FRMD6: variants seen among roughly 807,000 people sequenced by gnomAD.
FRMD6 encodes FERM domain-containing protein 6.
A neutral mutation model predicts 73.2 loss-of-function variants in FRMD6; 37 were observed. The observed-to-expected ratio is 0.51, with a 90% CI of 0.39 to 0.66. The LOEUF is 0.66. Among genes scored for constraint, FRMD6 ranks in the 30% least tolerant of loss-of-function variants. The pLI is 0.00. For missense variants in FRMD6, 714 were observed against 780.5 expected, an observed-to-expected ratio of 0.91 and a Z score of 1.02; for synonymous variants, 273 against 282.2, an observed-to-expected ratio of 0.97 and a Z score of 0.33.
intron 6 of FRMD6, 120 bp from the exon 7 acceptor site, chr14:51,707,958 C>A: frequency 1.2e-6 from 1 of 857,114 alleles, no homozygotes; most frequent in Non-Finnish European, 1.8e-6. Flanking sequence ...ATTTTCAATG[C>A]AAACCAACCA....
chr14:51,532,164 C>T (rs149359247), intron 1 of FRMD6, among the ~76,000 whole-genome samples: 1,973 of 152,020 alleles, frequency 0.013, 16 homozygotes, highest in Non-Finnish European at 0.021. Flanking sequence ...GTCAGAAGAT[C>T]GAGACCATCC....
chr14:51,471,449 C>T, the FRMD6 span, among the ~76,000 whole-genome samples: 9 of 150,254 alleles, frequency 6.0e-5, no homozygotes, highest in South Asian at 4.2e-4. Flanking sequence ...TGCAGTTAGC[C>T]GAGATAGCGC....
chr14:51,428,570 T>C, the FRMD6 span, among the ~76,000 whole-genome samples: 5 of 152,174 alleles, frequency 3.3e-5, no homozygotes, highest in Admixed American at 3.3e-4. Context: ...ATCCTGGACC[T>C]CCAGTCTGAG....
the FRMD6 span, among the ~76,000 whole-genome samples, chr14:51,415,196 G>A: frequency 1.3e-5 from 2 of 152,188 alleles, no homozygotes; most frequent in South Asian, 2.1e-4. Flanking sequence ...ATGTTGAATA[G>A]GAGTGGTGAG....
At chr14:51,550,938 G>A (rs903746752) in intron 1 of FRMD6, among the ~76,000 whole-genome samples, 1 of 152,080 alleles carries the variant, frequency 6.6e-6, no homozygotes, top group Non-Finnish European at 1.5e-5. Context: ...CTGGTCCCGG[G>A]TACCACCCAC....
chr14:51,499,255 A>G (rs1326206706), intron 1 of FRMD6, among the ~76,000 whole-genome samples: 1 of 152,236 alleles, frequency 6.6e-6, no homozygotes, highest in Admixed American at 6.5e-5. Context: ...CTGAGCCTGT[A>G]GTTTTTCTCT....
chr14:51,486,826 C>A (rs1882770701), upstream of FRMD6, among the ~76,000 whole-genome samples: 1 of 152,124 alleles, frequency 6.6e-6, no homozygotes, highest in Non-Finnish European at 1.5e-5. Context: ...GACCTTGCAG[C>A]CCTTAAAAAG....
chr14:51,414,776 C>T, the FRMD6 span, among the ~76,000 whole-genome samples: 1 of 152,134 alleles, frequency 6.6e-6, no homozygotes, highest in Admixed American at 6.5e-5. Context: ...ATTGATTCTT[C>T]CTATCCATGA....
the FRMD6 span, among the ~76,000 whole-genome samples, chr14:51,472,002 C>T: frequency 6.6e-6 from 1 of 152,182 alleles, no homozygotes; most frequent in African/African-American, 2.4e-5. Flanking sequence ...AAGGTGCCAT[C>T]TTAGGGGCAG....
intron 8 of FRMD6, 30 bp from the exon 9 acceptor site, chr14:51,712,453 A>G (rs1386624819): frequency 2.2e-6 from 3 of 1,355,784 alleles, no homozygotes; most frequent in South Asian, 2.4e-5. Flanking sequence ...CATTTTTCCC[A>G]TTAACTCCAT....
intron 1 of FRMD6, among the ~76,000 whole-genome samples, chr14:51,505,783 C>G (rs1230620696): frequency 6.6e-6 from 1 of 152,170 alleles, no homozygotes; most frequent in Non-Finnish European, 1.5e-5. Context: ...CTCGATCACC[C>G]TTTCCAGAGG....
intron 1 of FRMD6, among the ~76,000 whole-genome samples, chr14:51,563,549 A>AATCC (rs1887603516): frequency 6.6e-6 from 1 of 152,186 alleles, no homozygotes; most frequent in Non-Finnish European, 1.5e-5. Context: ...GGGTGCCTGT[A>AATCC]ATCCCAGCTA....
the FRMD6 span, among the ~76,000 whole-genome samples, chr14:51,453,222 T>A: frequency 6.6e-6 from 1 of 151,434 alleles, no homozygotes; most frequent in Non-Finnish European, 1.5e-5. Context: ...CCTGGGGAGA[T>A]AAAATGATAA....
At chr14:51,486,394 T>A (rs1882761931), upstream of FRMD6, among the ~76,000 whole-genome samples, 1 of 152,180 alleles carries the variant, frequency 6.6e-6, no homozygotes, top group Non-Finnish European at 1.5e-5. Flanking sequence ...ATCTAACTAT[T>A]AAGCATTAGC....
intron 4 of FRMD6, among the ~76,000 whole-genome samples, chr14:51,701,572 A>G (rs907108935): frequency 6.8e-6 from 1 of 147,194 alleles, no homozygotes; most frequent in East Asian, 2.0e-4. Context: ...AAAATATAGT[A>G]TAGTATATAA....
chr14:51,504,333 G>T (rs1883817585), intron 1 of FRMD6, among the ~76,000 whole-genome samples: 2 of 152,212 alleles, frequency 1.3e-5, no homozygotes. Context: ...GTACTGACCT[G>T]TTTCCAGCCT....
intron 1 of FRMD6, among the ~76,000 whole-genome samples, chr14:51,655,303 T>C (rs1892740798): frequency 6.6e-6 from 1 of 152,220 alleles, no homozygotes; most frequent in South Asian, 2.1e-4. Context: ...CTTTGTATGA[T>C]TATATCATTA....
At chr14:51,570,294 A>T (rs1208292241) in intron 1 of FRMD6, 3 of 152,198 alleles carry the variant, frequency 2.0e-5, no homozygotes, top group African/African-American at 7.2e-5. Flanking sequence ...TAATTATAAA[A>T]ATAGAGACAT....
At chr14:51,569,862 C>T (rs1308431356) in intron 1 of FRMD6, among the ~76,000 whole-genome samples, 1 of 150,928 alleles carries the variant, frequency 6.6e-6, no homozygotes. Context: ...GTCGCCCAGG[C>T]TGGAGTGCAG....
Sources: gnomAD v4.1 joint callset for allele counts (sites outside exome capture counted in the v4.1 genomes callset) on GRCh38, gnomAD v4.1.1 for gene constraint, MANE v1.5 for transcripts, NCBI Gene and HGNC (gene_info 2026-07-23, HGNC 2026-07-21) for gene names.